Variants in EPM2A observed in about 807,000 individuals in gnomAD.
The protein encoded by EPM2A is laforin.
EPM2A carries 21 observed loss-of-function variants against 26.5 expected under a neutral mutation model. The ratio of observed to expected loss-of-function variants is 0.79; its 90% CI spans 0.56 to 1.14. EPM2A has a LOEUF of 1.14. Ranked by LOEUF, EPM2A falls within the 50% of genes most tolerant of loss-of-function variation. The pLI is 0.00. For missense variants in EPM2A, 458 were observed against 440.8 expected (o/e 1.04, Z -0.35); for synonymous variants, 217 against 177.6 (o/e 1.22, Z -1.76).
chr6:145,638,880 A>G (rs931551369), intron 2 of EPM2A: 1 of 152,222 alleles, frequency 6.6e-6, no homozygotes, highest in South Asian at 2.1e-4. Context: ...ACTGGGGGTA[A>G]CAAGATACAT....
chr6:145,513,015 A>G (rs425731), intron 2 of EPM2A, among the ~76,000 whole-genome samples: 68,392 of 151,956 alleles, frequency 0.45, 15,431 homozygotes, highest in South Asian at 0.58. Context: ...AGAATTTATG[A>G]TGAAGACCCC....
chr6:145,597,463 G>A (rs1781361462), intron 2 of EPM2A, among the ~76,000 whole-genome samples: 1 of 146,128 alleles, frequency 6.8e-6, no homozygotes, highest in South Asian at 2.2e-4. Context: ...TATGTGACCT[G>A]TTTATTTTTT....
At chr6:145,627,840 G>A in intron 3 of EPM2A, 147 bp from the exon 4 acceptor site, 1 of 1,128,710 alleles carries the variant, frequency 8.9e-7, no homozygotes, top group Non-Finnish European at 1.2e-6. Context: ...CATTGTGAAG[G>A]AAAAAGTGAG....
intron 2 of EPM2A, among the ~76,000 whole-genome samples, chr6:145,547,166 A>G (rs1352595418): frequency 6.6e-6 from 1 of 152,002 alleles, no homozygotes; most frequent in Non-Finnish European, 1.5e-5. Flanking sequence ...AAAATTCACA[A>G]CCCATCCTAA....
intron 1 of EPM2A, among the ~76,000 whole-genome samples, chr6:145,728,273 G>T (rs1315296521): frequency 6.6e-6 from 1 of 152,198 alleles, no homozygotes; most frequent in Non-Finnish European, 1.5e-5. Context: ...TGTGGAAGCA[G>T]CTTTAGAACT....
intron 2 of EPM2A, among the ~76,000 whole-genome samples, chr6:145,587,246 C>T (rs1256506869): frequency 1.3e-5 from 2 of 152,124 alleles, no homozygotes; most frequent in Admixed American, 1.3e-4. Flanking sequence ...CATTGTCATC[C>T]TAACATGTTG....
chr6:145,662,075 A>G (rs1778757421), intron 2 of EPM2A, among the ~76,000 whole-genome samples: 1 of 152,030 alleles, frequency 6.6e-6, no homozygotes, highest in Admixed American at 6.5e-5. Context: ...TTTTGAAAAA[A>G]CCATTTCCCC....
At chr6:145,414,218 T>G (rs1053768924) in intron 4 of EPM2A, among the ~76,000 whole-genome samples, 1 of 152,136 alleles carries the variant, frequency 6.6e-6, no homozygotes, top group Non-Finnish European at 1.5e-5. Context: ...CTGTCCTGGA[T>G]AGCTGGCCAG....
intron 4 of EPM2A, among the ~76,000 whole-genome samples, chr6:145,471,972 A>G (rs1269901747): frequency 1.3e-5 from 2 of 151,286 alleles, no homozygotes; most frequent in African/African-American, 4.9e-5. Context: ...AACTGCAGGC[A>G]CAGCTCAGTT....
At chr6:145,390,438 A>G (rs1277283096) in intron 4 of EPM2A, among the ~76,000 whole-genome samples, 5 of 152,212 alleles carry the variant, frequency 3.3e-5, no homozygotes, top group Admixed American at 2.0e-4. Context: ...AAACTTTCCA[A>G]TTCCTAGGCT....
intron 2 of EPM2A, among the ~76,000 whole-genome samples, chr6:145,593,665 T>A (rs1781303959): frequency 6.6e-6 from 1 of 151,880 alleles, no homozygotes; most frequent in African/African-American, 2.4e-5. Flanking sequence ...ACTAAACAAC[T>A]CACTGCTAAA....
intron 2 of EPM2A, among the ~76,000 whole-genome samples, chr6:145,672,211 A>T (rs1181857248): frequency 1.3e-5 from 2 of 152,204 alleles, no homozygotes; most frequent in Non-Finnish European, 2.9e-5. Context: ...CTATTTACCA[A>T]GTTTTATATT....
At chr6:145,402,949 T>C (rs545711754) in intron 4 of EPM2A, among the ~76,000 whole-genome samples, 61 of 152,322 alleles carry the variant, frequency 4.0e-4, no homozygotes, top group African/African-American at 1.4e-3. Context: ...AATTACTCTC[T>C]TGAGCTGTCA....
intron 4 of EPM2A, among the ~76,000 whole-genome samples, chr6:145,434,963 A>G (rs1372303731): frequency 6.6e-6 from 1 of 152,118 alleles, no homozygotes; most frequent in African/African-American, 2.4e-5. Context: ...GTTGTTTAAA[A>G]GTGTGTGGCA....
At chr6:145,460,916 A>G (rs1372498600) in intron 4 of EPM2A, among the ~76,000 whole-genome samples, 1 of 151,970 alleles carries the variant, frequency 6.6e-6, no homozygotes, top group African/African-American at 2.4e-5. Flanking sequence ...TAGATCTGAT[A>G]TATCAAATAT....
At chr6:145,550,705 C>T (rs1035783773) in intron 2 of EPM2A, among the ~76,000 whole-genome samples, 1 of 151,962 alleles carries the variant, frequency 6.6e-6, no homozygotes, top group African/African-American at 2.4e-5. Flanking sequence ...ATGAAGACAA[C>T]AAGGATGAAG....
intron 4 of EPM2A, among the ~76,000 whole-genome samples, chr6:145,391,551 C>T (rs371786143): frequency 3.3e-5 from 5 of 152,194 alleles, no homozygotes; most frequent in African/African-American, 1.2e-4. Flanking sequence ...TCATGCTCCT[C>T]CTGTAATCTG....
chr6:145,388,741 C>A (rs1778296560), intron 4 of EPM2A, among the ~76,000 whole-genome samples: 1 of 152,092 alleles, frequency 6.6e-6, no homozygotes, highest in Non-Finnish European at 1.5e-5. Flanking sequence ...TCAACTCCCA[C>A]TTATGAGTGA....
At chr6:145,418,246 G>A (rs958963784) in intron 4 of EPM2A, among the ~76,000 whole-genome samples, 4 of 152,220 alleles carry the variant, frequency 2.6e-5, no homozygotes, top group African/African-American at 9.7e-5. Flanking sequence ...AGAGATCGGA[G>A]ACAAATGGAT....
Sources: gnomAD v4.1 joint callset for allele counts (sites outside exome capture counted in the v4.1 genomes callset) on GRCh38, gnomAD v4.1.1 for gene constraint, MANE v1.5 for transcripts, NCBI Gene and HGNC (gene_info 2026-07-23, HGNC 2026-07-21) for gene names.